Variants in HIVEP1 observed in about 807,000 individuals in gnomAD.
HIVEP1 encodes the protein zinc finger protein 40.
In HIVEP1, 36 loss-of-function variants were observed where a neutral mutation model predicts 180.0. The ratio of observed to expected loss-of-function variants is 0.20; its 90% CI spans 0.15 to 0.26. The LOEUF (loss-of-function observed/expected upper bound fraction) is 0.26, where lower values mean the gene tolerates loss of function less well. Among genes scored for constraint, HIVEP1 ranks in the 10% least tolerant of loss-of-function variants. HIVEP1 has a pLI of 1.00. For synonymous variants in HIVEP1, 1,239 were observed against 1,239.0 expected (o/e 1.00, Z 0.00); for missense variants, 3,143 against 3,268.7 (o/e 0.96, Z 0.94).
At chr6:12,161,987 G>A in intron 8 of HIVEP1, 58 bp downstream of exon 8, 1 of 1,459,784 alleles carries the variant, frequency 6.9e-7, no homozygotes, top group Non-Finnish European at 9.3e-7. Flanking sequence ...ATTAAATATG[G>A]AGAACTTAAT....
At chr6:12,049,627 CTGCT>C (rs1770371606) in intron 2 of HIVEP1, among the ~76,000 whole-genome samples, 3 of 152,158 alleles carry the variant, frequency 2.0e-5, no homozygotes, top group East Asian at 1.9e-4. Flanking sequence ...ATTTTTCTGT[CTGCT>C]TGCTCAGATA....
chr6:12,170,666 G>T, the HIVEP1 span, among the ~76,000 whole-genome samples: 1 of 152,126 alleles, frequency 6.6e-6, no homozygotes, highest in Non-Finnish European at 1.5e-5. Context: ...GGCATCTGAC[G>T]AAGCCGCAAT....
chr6:12,105,859 T>C (rs1275365256), intron 3 of HIVEP1, among the ~76,000 whole-genome samples: 2 of 152,118 alleles, frequency 1.3e-5, no homozygotes, highest in African/African-American at 2.4e-5. Flanking sequence ...TACATTGAAT[T>C]ATTGAACTTA....
At chr6:12,029,387 C>T (rs1032105238) in intron 2 of HIVEP1, among the ~76,000 whole-genome samples, 6 of 152,094 alleles carry the variant, frequency 3.9e-5, no homozygotes, top group Admixed American at 6.5e-5. Context: ...TCATCCAGTC[C>T]GACAATCTGC....
the HIVEP1 span, among the ~76,000 whole-genome samples, chr6:12,178,665 T>C: frequency 6.6e-6 from 1 of 152,066 alleles, no homozygotes; most frequent in Non-Finnish European, 1.5e-5. Context: ...TCTGAGTTGA[T>C]GGGGCCATTT....
chr6:12,141,313 G>A (rs1004346945), intron 7 of HIVEP1, among the ~76,000 whole-genome samples: 18 of 151,988 alleles, frequency 1.2e-4, no homozygotes, highest in Non-Finnish European at 2.4e-4. Context: ...TTATAGACAA[G>A]CAAATGCTGA....
At chr6:12,204,987 C>T in the HIVEP1 span, among the ~76,000 whole-genome samples, 9 of 152,256 alleles carry the variant, frequency 5.9e-5, no homozygotes, top group East Asian at 5.8e-4. Flanking sequence ...AGGGAACAAC[C>T]GGTGCAAAGG....
At position 12,164,089 on chromosome 6, in the gene HIVEP1, C is replaced by T; in HGVS notation, c.7785C>T (p.Ser2595=). The change falls in exon 9 of 9, where the codon AGC becomes AGT. Residue 2595 remains serine (S), a synonymous_variant. Coordinates refer to ENST00000379388, the MANE Select transcript of HIVEP1 (RefSeq NM_002114.4). The part of the protein sequence containing the change: ...QTSVASANQV[S]RTESPQGLPT... ...CTGTAGCCAGCGCAAACCAGGTCAG[C>T]AGGACCGAGTCTCCTCAGGGGTTAC... 1 of 1,614,176 alleles carries T rather than the reference C, an allele frequency of 6.2e-7. No individual in the cohort carries two copies. Among genetic ancestry groups the T allele is most frequent in the Non-Finnish European group, 8.5e-7 (1 of 1,180,034 alleles).
intron 4 of HIVEP1, among the ~76,000 whole-genome samples, chr6:12,126,862 G>A (rs1758103714): frequency 6.6e-6 from 1 of 151,468 alleles, no homozygotes; most frequent in Admixed American, 6.6e-5. Context: ...CAAAGAAGAA[G>A]CAGCTTTTTT....
rs369499373 is a variant in HIVEP1, at chr6:12,121,808, G to A, written c.2013G>A (p.Thr671=). Residue 671 remains threonine (T), a synonymous_variant, in exon 4 of 9, where the codon ACG becomes ACA. Transcript: ENST00000379388. The surrounding 1 kb of genome is among the most constrained non-coding windows in gnomAD (Gnocchi z 5.3). Reference sequence around the variant, plus strand: ...TGAGTCCTCGAAGTTTAGGAAGTACGGATTCTGGTTACTTTTCACGTTCTG... The same window carrying A: ...TGAGTCCTCGAAGTTTAGGAAGTACAGATTCTGGTTACTTTTCACGTTCTG... ...KLLSPRSLGS[T]DSGYFSRSES... The A allele has an allele frequency of 3.3e-5, 54 of 1,614,004 alleles. No individual in the cohort carries two copies. Among genetic ancestry groups the A allele is most frequent in the African/African-American group, 5.3e-5 (4 of 74,886 alleles).
downstream of HIVEP1, among the ~76,000 whole-genome samples, chr6:12,167,647 A>ATGTATATATACATATAAG (rs1562023646): frequency 1.0e-5 from 1 of 95,266 alleles, no homozygotes; most frequent in African/African-American, 5.3e-5. Flanking sequence ...ATACATATAC[A>ATGTATATATACATATAAG]TATATATGTT....
At chr6:12,184,406 C>G in the HIVEP1 span, among the ~76,000 whole-genome samples, 1 of 152,184 alleles carries the variant, frequency 6.6e-6, no homozygotes, top group Non-Finnish European at 1.5e-5. Context: ...AGTATCATCA[C>G]ACTAAACACA....
intron 2 of HIVEP1, among the ~76,000 whole-genome samples, chr6:12,050,479 G>A (rs1161665872): frequency 4.0e-5 from 6 of 148,710 alleles, no homozygotes; most frequent in African/African-American, 1.6e-4. Context: ...CCAGTTACTC[G>A]GGAGGCTGAG....
At chr6:12,038,043 C>G in intron 2 of HIVEP1, 1 of 321,448 alleles carries the variant, frequency 3.1e-6, no homozygotes, top group Non-Finnish European at 5.6e-6. Context: ...TATTTTTAAA[C>G]ATCCTGTGCA....
the HIVEP1 span, among the ~76,000 whole-genome samples, chr6:12,170,824 T>TA: frequency 6.6e-6 from 1 of 152,124 alleles, no homozygotes; most frequent in Non-Finnish European, 1.5e-5. Flanking sequence ...GTTAATAACT[T>TA]ACGGGAGAGT....
chr6:12,113,299 G>A (rs771569583), intron 3 of HIVEP1, among the ~76,000 whole-genome samples: 4 of 151,564 alleles, frequency 2.6e-5, no homozygotes, highest in Non-Finnish European at 2.9e-5. Context: ...ACACTGGTGC[G>A]GTGAGTTGAA....
chr6:12,124,172 G>A lies in HIVEP1; in HGVS notation c.4377G>A (p.Val1459=). 6.2e-7 allele frequency: 1 copy of A among 1,613,980 alleles called. No homozygotes were observed. Among genetic ancestry groups the A allele is most frequent in the Non-Finnish European group, 8.5e-7 (1 of 1,179,904 alleles). ...TCCAAAATACTGCTCTTCCCAGTGTGAATGCAGTGCCATATCAGGGGCCTC... is the reference window on the plus strand; with the variant it reads ...TCCAAAATACTGCTCTTCCCAGTGTAAATGCAGTGCCATATCAGGGGCCTC... The part of the protein sequence containing the change: ...TSFQNTALPS[V]NAVPYQGPQL... The change falls in exon 4 of 9, where the codon GTG becomes GTA. Residue 1459 remains valine (V), a synonymous_variant. Transcript: ENST00000379388.
At position 12,123,677 on chromosome 6, in the gene HIVEP1, A is replaced by G. The variant is rs1187598305; in HGVS notation, c.3882A>G (p.Thr1294=). The change falls in exon 4 of 9, where the codon ACA becomes ACG. Residue 1294 remains threonine (T), a synonymous_variant. Coordinates refer to ENST00000379388, the MANE Select transcript of HIVEP1 (RefSeq NM_002114.4). ...LRLAEIEHSS[T]ESSFDSTLSR... ...TGGCTGAGATAGAACATTCCTCAAC[A>G]GAATCGAGCTTTGATTCCACTCTCT... is the stretch of plus-strand genomic sequence containing the variant. The G allele has an allele frequency of 6.2e-7, 1 of 1,613,876 alleles. No homozygotes were observed. The highest frequency in any genetic ancestry group is 8.5e-7 in the Non-Finnish European group (1 of 1,180,006).
chr6:12,035,582 A>G (rs1319654961), intron 2 of HIVEP1, among the ~76,000 whole-genome samples: 1 of 152,222 alleles, frequency 6.6e-6, no homozygotes, highest in Non-Finnish European at 1.5e-5. Context: ...ATGTACTTCT[A>G]AAGTGAATCT....
Sources: gnomAD v4.1 joint callset for allele counts (sites outside exome capture counted in the v4.1 genomes callset) on GRCh38, gnomAD v4.1.1 for gene constraint, Gnocchi (gnomAD v3.1) non-coding constraint, MANE v1.5 for transcripts, NCBI Gene and HGNC (gene_info 2026-07-23, HGNC 2026-07-21) for gene names.